Variants in FHOD3 observed in about 807,000 individuals in gnomAD.
FHOD3 encodes the protein formin homology 2 domain containing 3.
A neutral mutation model predicts 173.0 loss-of-function variants in FHOD3; 90 were observed. The observed-to-expected ratio is 0.52, with a 90% confidence interval of 0.44 to 0.62. The LOEUF (loss-of-function observed/expected upper bound fraction) is 0.62, where lower values mean the gene tolerates loss of function less well. FHOD3 is among the 20% of genes least tolerant of loss of function. The probability of loss-of-function intolerance (pLI) is 0.00; values close to 1 mark genes in which losing one functional copy is unlikely to be tolerated. For synonymous variants in FHOD3, 828 were observed against 823.0 expected, an observed-to-expected ratio of 1.01 and a Z score of -0.10; for missense variants, 1,945 against 2,034.7, an observed-to-expected ratio of 0.96 and a Z score of 0.85.
chr18:36,486,692 G>C (rs1231538202), intron 3 of FHOD3, among the ~76,000 whole-genome samples: 4 of 152,172 alleles, frequency 2.6e-5, no homozygotes, highest in Non-Finnish European at 4.4e-5. Context: ...TTATTGACGA[G>C]TAATTCACAT....
At chr18:36,320,035 G>A (rs561741625) in intron 1 of FHOD3, among the ~76,000 whole-genome samples, 7 of 152,270 alleles carry the variant, frequency 4.6e-5, no homozygotes, top group Admixed American at 3.3e-4. Context: ...GAGAAAGCAG[G>A]AAAGATCTAA....
rs141829465 is a variant in FHOD3 at position 36,399,420 on chromosome 18, A to G, written c.337+26676A>G. Among the ~76,000 whole-genome samples, 524 of 152,314 alleles carry G rather than the reference A, an allele frequency of 3.4e-3. 2 individuals are homozygous for G. The highest frequency in any genetic ancestry group is 0.012 in the African/African-American group (491 of 41,562). The stretch of plus-strand genomic sequence containing the variant: ...TATTTGAGTTTTCTGATGTGGATTA[A>G]TCCTAAGTGTCCACACACAGATGTT... On this transcript the variant is annotated intron_variant, in intron 3 of 28. Coordinates refer to ENST00000590592, the MANE Select transcript of FHOD3 (RefSeq NM_001281740.3).
intron 1 of FHOD3, among the ~76,000 whole-genome samples, chr18:36,309,709 G>A (rs2092203125): frequency 6.6e-6 from 1 of 152,228 alleles, no homozygotes; most frequent in Middle Eastern, 3.2e-3. Context: ...GTGCCTGGGA[G>A]CAGGGAAAGG....
intron 27 of FHOD3, 81 bp downstream of exon 27, chr18:36,760,863 G>A: frequency 1.4e-6 from 2 of 1,417,766 alleles, no homozygotes; most frequent in East Asian, 2.6e-5. Flanking sequence ...CGCAGGCTGC[G>A]GTCCACGGCT....
At chr18:36,616,474 C>T (rs1269284034) in intron 9 of FHOD3, among the ~76,000 whole-genome samples, 2 of 152,178 alleles carry the variant, frequency 1.3e-5, no homozygotes, top group East Asian at 3.8e-4. Flanking sequence ...TAAGCCACCT[C>T]CTCAACTTCT....
intron 14 of FHOD3, among the ~76,000 whole-genome samples, chr18:36,674,886 A>C (rs184219881): frequency 6.6e-6 from 1 of 152,204 alleles, no homozygotes; most frequent in Non-Finnish European, 1.5e-5. Flanking sequence ...AGAATACTCT[A>C]TGATGCACAC....
At chr18:36,748,719 G>A (rs557934162) in intron 24 of FHOD3, among the ~76,000 whole-genome samples, 63 of 152,248 alleles carry the variant, frequency 4.1e-4, no homozygotes, top group African/African-American at 1.5e-3. Flanking sequence ...AAGGGGCGTG[G>A]CTAAAGGGAG....
At chr18:36,612,670 A>C (rs769847517) in intron 9 of FHOD3, among the ~76,000 whole-genome samples, 1 of 152,232 alleles carries the variant, frequency 6.6e-6, no homozygotes, top group African/African-American at 2.4e-5. Flanking sequence ...TTAAAATTTA[A>C]AATTATTACC....
At chr18:36,644,042 C>G (rs1225064983) in intron 10 of FHOD3, among the ~76,000 whole-genome samples, 1 of 152,192 alleles carries the variant, frequency 6.6e-6, no homozygotes. Flanking sequence ...TTGTTGGAAA[C>G]TACGCCCCAA....
At chr18:36,372,462 C>A (rs980961367) in intron 2 of FHOD3, among the ~76,000 whole-genome samples, 10 of 152,218 alleles carry the variant, frequency 6.6e-5, no homozygotes, top group African/African-American at 2.4e-4. Context: ...CAGTGAGATG[C>A]ATGTGCCAAA....
chr18:36,710,370 C>T (rs2040106103), intron 18 of FHOD3: 1 of 152,062 alleles, frequency 6.6e-6, no homozygotes, highest in Admixed American at 6.5e-5. Flanking sequence ...TGTCTTAGGC[C>T]CAAAGGGCAA....
chr18:36,487,078 T>A (rs1042211869), intron 3 of FHOD3, among the ~76,000 whole-genome samples: 1 of 152,244 alleles, frequency 6.6e-6, no homozygotes, highest in African/African-American at 2.4e-5. Flanking sequence ...AGGGTGTTTT[T>A]AAAAATCATT....
chr18:36,298,046 GCC>G, intron 1 of FHOD3, 46 bp downstream of exon 1: 2 of 1,411,144 alleles, frequency 1.4e-6, no homozygotes, highest in Non-Finnish European at 1.8e-6. Flanking sequence ...TCAGCCCCCT[GCC>G]GCGGTGCGCG....
At chr18:36,476,912 A>T (rs2053604949) in intron 3 of FHOD3, among the ~76,000 whole-genome samples, 2 of 152,220 alleles carry the variant, frequency 1.3e-5, no homozygotes, top group Admixed American at 1.3e-4. Flanking sequence ...TAGGATGAAG[A>T]TCTTGTCAGA....
chr18:36,486,021 T>C (rs1403886159), intron 3 of FHOD3, among the ~76,000 whole-genome samples: 1 of 152,226 alleles, frequency 6.6e-6, no homozygotes, highest in African/African-American at 2.4e-5. Flanking sequence ...TGCACATATC[T>C]ACCTGGGACT....
At chr18:36,659,539 G>A (rs1358012593) in intron 14 of FHOD3, among the ~76,000 whole-genome samples, 3 of 152,196 alleles carry the variant, frequency 2.0e-5, no homozygotes, top group Non-Finnish European at 4.4e-5. Flanking sequence ...AGACTGATAC[G>A]ACGTTGCACA....
At chr18:36,378,678 T>C (rs796362594) in intron 3 of FHOD3, among the ~76,000 whole-genome samples, 16 of 94,900 alleles carry the variant, frequency 1.7e-4, no homozygotes, top group African/African-American at 5.5e-4. Flanking sequence ...AGTGTAGTTT[T>C]TGTTTGTTTG....
chr18:36,691,892 A>G (rs2038985726), intron 16 of FHOD3, among the ~76,000 whole-genome samples: 1 of 152,004 alleles, frequency 6.6e-6, no homozygotes, highest in Non-Finnish European at 1.5e-5. Context: ...TGAAAATCCT[A>G]TTATTTGCTT....
chr18:36,558,830 G>T (rs1242859615), intron 5 of FHOD3, among the ~76,000 whole-genome samples: 2 of 152,142 alleles, frequency 1.3e-5, no homozygotes, highest in African/African-American at 4.8e-5. Context: ...CTTTATAAAA[G>T]TATACACATT....
Sources: gnomAD v4.1 joint callset for allele counts (sites outside exome capture counted in the v4.1 genomes callset) on GRCh38, gnomAD v4.1.1 for gene constraint, MANE v1.5 for transcripts, NCBI Gene and HGNC (gene_info 2026-07-23, HGNC 2026-07-21) for gene names.